Variants in SEMA4D observed in about 807,000 individuals in gnomAD.
SEMA4D encodes the protein semaphorin 4D.
SEMA4D carries 22 observed loss-of-function variants against 74.8 expected under a neutral mutation model. That is an observed-to-expected ratio of 0.29 (90% CI 0.21 to 0.42). The LOEUF is 0.42. Ranked by LOEUF, SEMA4D falls within the 10% of genes least tolerant of loss-of-function variation. The pLI, the probability that SEMA4D is intolerant of heterozygous loss-of-function variation, is 1.00. For synonymous variants in SEMA4D, 445 were observed against 463.7 expected, an observed-to-expected ratio of 0.96 and a Z score of 0.52; for missense variants, 937 against 1,118.4, an observed-to-expected ratio of 0.84 and a Z score of 2.31.
chr9:89,478,314 A>ACAGACG (rs1862277388), intron 1 of SEMA4D, among the ~76,000 whole-genome samples: 1 of 152,178 alleles, frequency 6.6e-6, no homozygotes, highest in Non-Finnish European at 1.5e-5. Flanking sequence ...AGAGGGAAAG[A>ACAGACG]CAGACGCAGA....
Position 89,393,773 on chromosome 9 carries a change from G to A in SEMA4D, c.415-118C>T, listed in dbSNP as rs376654766. Reference sequence around the variant, plus strand: ...CTTCTCGGAAGACCAACAGGGCCGAGCAGATAGGTGTGGAGCTACAGGAGT... The same window carrying A: ...CTTCTCGGAAGACCAACAGGGCCGAACAGATAGGTGTGGAGCTACAGGAGT... On this transcript the variant is annotated intron_variant, in intron 6 of 15. Transcript: ENST00000422704. 3 of 743,974 alleles carry A rather than the reference G, an allele frequency of 4.0e-6. No homozygotes were observed. In the African/African-American group the frequency reaches 5.1e-5, roughly 13 times the overall value. The allele number at this position is 743,974 out of a possible 1,614,324, so 46.1% of individuals were successfully genotyped here. A position where few individuals can be genotyped will look rare whatever the true frequency, so the allele number is the denominator to read the frequency against.
intron 2 of SEMA4D, among the ~76,000 whole-genome samples, chr9:89,434,376 G>C (rs1047106140): frequency 6.6e-6 from 1 of 152,188 alleles, no homozygotes; most frequent in Non-Finnish European, 1.5e-5. Context: ...TTGTCAAAAC[G>C]GTATGCAGGC....
chr9:89,383,359 C>T (rs867790261), intron 13 of SEMA4D, among the ~76,000 whole-genome samples: 7 of 152,206 alleles, frequency 4.6e-5, no homozygotes, highest in South Asian at 2.1e-4. Context: ...AAGGTCATCA[C>T]GCTGGTGCGA....
At position 89,492,440 on chromosome 9, in the gene SEMA4D, T is replaced by C. The variant is rs1255229592; in HGVS notation, c.-310+5479A>G. On this transcript the variant is annotated intron_variant, in intron 1 of 15. Transcript: ENST00000422704. This position sits in a 1 kb window ranked among gnomAD's most constrained non-coding sequence, Gnocchi z 4.3. ...CCTTTCAAAATGTCATCTCTATAGC[T>C]ACAATATATTGCCAAGATTAGGGTC... is the stretch of plus-strand genomic sequence containing the variant. 2.0e-5 allele frequency among the ~76,000 whole-genome samples: 3 copies of C among 152,088 alleles called. No homozygotes were observed. Among genetic ancestry groups the C allele is most frequent in the Non-Finnish European group, 4.4e-5 (3 of 68,026 alleles).
At chr9:89,392,009 G>C (rs564105611) in intron 8 of SEMA4D, among the ~76,000 whole-genome samples, 2 of 152,304 alleles carry the variant, frequency 1.3e-5, no homozygotes, top group Admixed American at 6.5e-5. Flanking sequence ...GCAGCAACAA[G>C]GCACCCAGAG....
chr9:89,400,227 G>A (rs867608796), intron 4 of SEMA4D, among the ~76,000 whole-genome samples: 6 of 152,252 alleles, frequency 3.9e-5, no homozygotes, highest in Middle Eastern at 6.8e-3. Flanking sequence ...GGGACAATTC[G>A]TGATCAGAAA....
intron 1 of SEMA4D, among the ~76,000 whole-genome samples, chr9:89,481,314 A>C (rs1477270470): frequency 6.6e-6 from 1 of 152,228 alleles, no homozygotes; most frequent in Non-Finnish European, 1.5e-5. Context: ...AGCAAGCAAC[A>C]GGAGCTGGTT....
At chr9:89,397,559 C>T (rs943144969) in intron 5 of SEMA4D, among the ~76,000 whole-genome samples, 3 of 152,186 alleles carry the variant, frequency 2.0e-5, no homozygotes, top group South Asian at 2.1e-4. Flanking sequence ...AAAGTACTTG[C>T]GTTACATGTG....
intron 1 of SEMA4D, among the ~76,000 whole-genome samples, chr9:89,495,954 C>T (rs1006614453): frequency 1.3e-5 from 2 of 152,214 alleles, no homozygotes; most frequent in Non-Finnish European, 2.9e-5. Flanking sequence ...CCTCCCTCCT[C>T]AGTCAAAGCT....
chr9:89,458,855 TAC>T (rs1856592983), intron 1 of SEMA4D, among the ~76,000 whole-genome samples: 2 of 150,854 alleles, frequency 1.3e-5, no homozygotes, highest in South Asian at 2.1e-4. Flanking sequence ...CCCACATGGA[TAC>T]ACATACACAC....
At chr9:89,429,344 T>C (rs574662708) in intron 2 of SEMA4D, among the ~76,000 whole-genome samples, 1 of 152,332 alleles carries the variant, frequency 6.6e-6, no homozygotes, top group South Asian at 2.1e-4. Flanking sequence ...GAGCGCCTTC[T>C]TGGGGCCAGG....
chr9:89,477,744 G>A (rs182621429), intron 1 of SEMA4D, among the ~76,000 whole-genome samples: 305 of 152,238 alleles, frequency 2.0e-3, no homozygotes, highest in African/African-American at 6.0e-3. Context: ...CAATGAAAGC[G>A]TTCACTCTTT....
At position 89,379,037 on chromosome 9, in the gene SEMA4D, GAA is replaced by G. The variant is rs1342949752; in HGVS notation, c.2254_2255del (p.Phe752LeufsTer5). 1.2e-6 allele frequency: 2 copies of G among 1,611,946 alleles called. No individual in the cohort carries two copies. The highest frequency in any genetic ancestry group is 1.7e-6 in the Non-Finnish European group (2 of 1,178,914). On this transcript the variant is annotated frameshift_variant, in exon 16 of 16. Coordinates refer to ENST00000422704, the MANE Select transcript of SEMA4D (RefSeq NM_001371194.2). LOFTEE classifies it high-confidence loss of function. Reference sequence around the variant, plus strand: ...GCAGGTATCCCTTATAGCAGTTGTAGAAAAAGAGGCAGAGGAAGAGAACAAAG... The same window carrying G: ...GCAGGTATCCCTTATAGCAGTTGTAGAAAGAGGCAGAGGAAGAGAACAAAG... ...FFFVLFLCLF[F>X]YNCYKGYLPR...
chr9:89,481,228 T>A (rs1824635657), intron 1 of SEMA4D, among the ~76,000 whole-genome samples: 1 of 151,802 alleles, frequency 6.6e-6, no homozygotes, highest in Non-Finnish European at 1.5e-5. Context: ...GGTGAGCAGG[T>A]GGCGGTGGGG....
chr9:89,383,086 G>C (rs1412333991), intron 13 of SEMA4D, among the ~76,000 whole-genome samples: 1 of 152,212 alleles, frequency 6.6e-6, no homozygotes. Context: ...AGGGGACAGG[G>C]AAGGAGGAAC....
intron 2 of SEMA4D, among the ~76,000 whole-genome samples, chr9:89,442,826 C>A (rs1851958843): frequency 6.6e-6 from 1 of 152,222 alleles, no homozygotes; most frequent in Non-Finnish European, 1.5e-5. Context: ...CGAGGAAACA[C>A]CAGACCCGGG....
At chr9:89,479,620 G>A (rs562633900) in intron 1 of SEMA4D, 24 of 167,908 alleles carry the variant, frequency 1.4e-4, no homozygotes, top group Non-Finnish European at 2.5e-4. Flanking sequence ...TGTGTTCAGA[G>A]TTTCTTCCTT....
chr9:89,366,618 T>C (rs1178199348), intron 16 of SEMA4D, among the ~76,000 whole-genome samples: 1 of 152,232 alleles, frequency 6.6e-6, no homozygotes, highest in East Asian at 1.9e-4. Flanking sequence ...CAAATATAAG[T>C]ACATATTACA....
At chr9:89,475,268 A>AC (rs983274804) in intron 1 of SEMA4D, among the ~76,000 whole-genome samples, 3 of 152,112 alleles carry the variant, frequency 2.0e-5, no homozygotes, top group African/African-American at 7.2e-5. Flanking sequence ...CCATGTCCCC[A>AC]CCCACCTGGG....
Sources: allele counts gnomAD v4.1 joint callset (sites outside exome capture counted in the v4.1 genomes callset), GRCh38; gene constraint gnomAD v4.1.1; non-coding constraint Gnocchi (gnomAD v3.1); transcripts MANE v1.5; gene names NCBI Gene and HGNC (gene_info 2026-07-23, HGNC 2026-07-21).